NOL4L: variants seen among roughly 807,000 people sequenced by gnomAD.
The protein encoded by NOL4L is nucleolar protein 4 like, also known as nucleolar protein 4-like.
NOL4L carries 7 observed loss-of-function variants against 64.5 expected under a neutral mutation model. The ratio of observed to expected loss-of-function variants is 0.11; its 90% CI spans 0.06 to 0.20. The LOEUF (loss-of-function observed/expected upper bound fraction) is 0.20. Ranked by LOEUF, NOL4L falls within the 10% of genes least tolerant of loss-of-function variation. The pLI, the probability that NOL4L is intolerant of heterozygous loss-of-function variation, is 1.00. For synonymous variants in NOL4L, 413 were observed against 401.0 expected, an observed-to-expected ratio of 1.03 and a Z score of -0.36; for missense variants, 680 against 967.1, an observed-to-expected ratio of 0.70 and a Z score of 3.94.
At chr20:32,502,640 G>C (rs1238717032) in intron 4 of NOL4L, among the ~76,000 whole-genome samples, 1 of 151,634 alleles carries the variant, frequency 6.6e-6, no homozygotes, top group Non-Finnish European at 1.5e-5. Flanking sequence ...GCCGGGTGTG[G>C]TGGCTCACCC....
intron 5 of NOL4L, among the ~76,000 whole-genome samples, chr20:32,462,923 A>AAAAAAAAAAAAAAAAC (rs2014221710): frequency 6.7e-6 from 1 of 148,816 alleles, no homozygotes; most frequent in Non-Finnish European, 1.5e-5. Context: ...AAAAAAAAAA[A>AAAAAAAAAAAAAAAAC]CTGATTTAAA....
rs1223219608 is a variant in NOL4L, at chr20:32,444,140, CT to C, written c.*3455del. 1.3e-5 allele frequency: 2 copies of C among 152,198 alleles called. No homozygotes were observed. Among genetic ancestry groups the C allele is most frequent in the South Asian group, 4.1e-4 (2 of 4,830 alleles). The allele number at this position is 152,198 out of a possible 1,614,324, so 9.4% of individuals were successfully genotyped here. On this transcript the variant is annotated 3_prime_UTR_variant, in exon 11 of 11. Coordinates refer to ENST00000621426, the MANE Select transcript of NOL4L (RefSeq NM_001256798.2). ...GGCATCTGTACATGTAAACAGTACA[CT>C]TTCACTGAGTCCAAAATTAGGAGCA...
intron 4 of NOL4L, among the ~76,000 whole-genome samples, chr20:32,483,029 C>A (rs1369272919): frequency 2.0e-5 from 3 of 149,942 alleles, no homozygotes; most frequent in African/African-American, 7.3e-5. Flanking sequence ...GAGTGGGGTG[C>A]GCCCCGCGAC....
chr20:32,468,831 G>A (rs1436291534), intron 5 of NOL4L, among the ~76,000 whole-genome samples: 2 of 150,632 alleles, frequency 1.3e-5, no homozygotes, highest in South Asian at 2.1e-4. Context: ...CCTGGAAGGC[G>A]GAGGTTGCAG....
chr20:32,502,307 T>C (rs2016952165), intron 4 of NOL4L, among the ~76,000 whole-genome samples: 1 of 152,230 alleles, frequency 6.6e-6, no homozygotes, highest in African/African-American at 2.4e-5. Context: ...AAATGTATTC[T>C]AGAGGCCGGG....
At chr20:32,487,858 G>C (rs293541) in intron 4 of NOL4L, among the ~76,000 whole-genome samples, 23,798 of 151,998 alleles carry the variant, frequency 0.16, 3,121 homozygotes, top group African/African-American at 0.36. Context: ...GGATGACTTT[G>C]GGCACCATAC....
rs2013081019 is a variant in NOL4L at position 32,452,958 on chromosome 20, G to A, written c.1546C>T (p.Leu516=). 6.2e-7 allele frequency: 1 copy of A among 1,613,948 alleles called. No individual in the cohort carries two copies. The change falls in exon 9 of 11, where the codon CTG becomes TTG. Residue 516 remains leucine, a synonymous_variant. Coordinates refer to ENST00000621426, the MANE Select transcript of NOL4L (RefSeq NM_001256798.2). ...HLTSAMAENI[L]AAACESETRK... ...GTCTCGCTCTCACAGGCAGCTGCCA[G>A]GATGTTTTCTGCCATGGCCGAGGTC... is the stretch of plus-strand genomic sequence containing the variant.
chr20:32,447,461 G>A lies in NOL4L; in HGVS notation c.*135C>T, dbSNP rs1375114146. 9.2e-7 allele frequency: 1 copy of A among 1,089,776 alleles called. No individual in the cohort carries two copies. Among genetic ancestry groups the A allele is most frequent in the Non-Finnish European group, 1.3e-6 (1 of 775,670 alleles). 67.5% of individuals were successfully genotyped at this position (1,089,776 alleles called of 1,614,324 possible). On this transcript the variant is annotated 3_prime_UTR_variant, in exon 11 of 11. Coordinates refer to ENST00000621426, the MANE Select transcript of NOL4L (RefSeq NM_001256798.2). ...TTGTGCCCAAAGTCTCAGGTGCTTG[G>A]AGTGTGGCTAGAAACAGCTCTTTTG...
Position 32,525,250 on chromosome 20 carries a change from G to A in NOL4L, c.477+2508C>T, listed in dbSNP as rs78165053. ...CTAAACCGCCCAAAGAGTGCCTGTGGACGAGGCTTGATGCTGGACACCGAA... is the reference window on the plus strand; with the variant it reads ...CTAAACCGCCCAAAGAGTGCCTGTGAACGAGGCTTGATGCTGGACACCGAA... On this transcript the variant is annotated intron_variant, in intron 2 of 10. Transcript: ENST00000621426. Among the ~76,000 whole-genome samples, 1,040 of 152,366 alleles carry A rather than the reference G, an allele frequency of 6.8e-3. 10 individuals are homozygous for A. The highest frequency in any genetic ancestry group is 0.024 in the African/African-American group (994 of 41,592).
intron 1 of NOL4L, among the ~76,000 whole-genome samples, chr20:32,534,474 A>G (rs2018447150): frequency 6.6e-6 from 1 of 152,200 alleles, no homozygotes; most frequent in Non-Finnish European, 1.5e-5. Flanking sequence ...ACAGACAAAA[A>G]TTACCCTGCA....
rs1344494840 is a variant in NOL4L, at chr20:32,447,275, C to T, written c.*321G>A. On this transcript the variant is annotated 3_prime_UTR_variant, in exon 11 of 11. Transcript: ENST00000621426. ...TTATCTGGGGGTGGGATTCTAACAT[C>T]AGGGTCCACGAAGGTGATTCTAAAC... The T allele has an allele frequency of 5.3e-6, 3 of 562,176 alleles. No individual in the cohort carries two copies. The highest frequency in any genetic ancestry group is 4.4e-5 in the Admixed American group (2 of 45,538). The allele number at this position is 562,176 out of a possible 1,614,324, so 34.8% of individuals were successfully genotyped here.
intron 1 of NOL4L, among the ~76,000 whole-genome samples, chr20:32,557,802 T>A (rs965869043): frequency 1.3e-5 from 2 of 152,216 alleles, no homozygotes; most frequent in African/African-American, 4.8e-5. Context: ...CGGTGGCTCA[T>A]GCCTGTAATC....
chr20:32,448,371 A>G (rs2012519880), intron 10 of NOL4L, among the ~76,000 whole-genome samples: 1 of 152,140 alleles, frequency 6.6e-6, no homozygotes, highest in Admixed American at 6.5e-5. Context: ...AGGAGAAGAA[A>G]CATCTGTGTG....
intron 5 of NOL4L, among the ~76,000 whole-genome samples, chr20:32,462,792 C>A (rs2014190317): frequency 6.7e-6 from 1 of 150,014 alleles, no homozygotes; most frequent in Non-Finnish European, 1.5e-5. Context: ...GTAGTCCCAG[C>A]TACTCAGGAG....
chr20:32,528,415 G>T (rs1368422914), intron 1 of NOL4L, among the ~76,000 whole-genome samples: 1 of 152,228 alleles, frequency 6.6e-6, no homozygotes, highest in Non-Finnish European at 1.5e-5. Context: ...AGCTTTTCGC[G>T]GCTGCCTGCC....
chr20:32,498,949 A>C (rs2016807875), intron 4 of NOL4L, among the ~76,000 whole-genome samples: 3 of 151,938 alleles, frequency 2.0e-5, no homozygotes, highest in African/African-American at 7.2e-5. Context: ...GTGCAATCTC[A>C]GCTCACTGCA....
At chr20:32,523,490 C>T (rs1868385) in intron 2 of NOL4L, among the ~76,000 whole-genome samples, 45,611 of 152,074 alleles carry the variant, frequency 0.3, 7,908 homozygotes, top group East Asian at 0.77. Flanking sequence ...ATTGAGTGCA[C>T]GAATGCCCAA....
chr20:32,466,508 C>T (rs896374398), intron 5 of NOL4L, among the ~76,000 whole-genome samples: 1 of 152,228 alleles, frequency 6.6e-6, no homozygotes, highest in East Asian at 1.9e-4. Context: ...CCGGGACTGC[C>T]AGTGTGGCCC....
At chr20:32,448,113 T>C (rs1419878914) in intron 10 of NOL4L, among the ~76,000 whole-genome samples, 2 of 152,168 alleles carry the variant, frequency 1.3e-5, no homozygotes, top group Non-Finnish European at 2.9e-5. Context: ...CTCAGTGTGG[T>C]GAGCAGAGCT....
Sources: allele counts gnomAD v4.1 joint callset (sites outside exome capture counted in the v4.1 genomes callset), GRCh38; gene constraint gnomAD v4.1.1; transcripts MANE v1.5; gene names NCBI Gene and HGNC (gene_info 2026-07-23, HGNC 2026-07-21).